DNAAF5: variants seen among roughly 807,000 people sequenced by gnomAD.
The protein encoded by DNAAF5 is HEAT repeat containing 2.
In DNAAF5, 64 loss-of-function variants were observed where a neutral mutation model predicts 75.8. The ratio of observed to expected loss-of-function variants is 0.84; its 90% CI spans 0.69 to 1.04. DNAAF5 has a LOEUF of 1.04. Ranked by LOEUF, DNAAF5 falls within the 50% of genes least tolerant of loss-of-function variation. DNAAF5 has a pLI of 0.00. For missense variants in DNAAF5, 1,269 were observed against 1,178.5 expected, an observed-to-expected ratio of 1.08 and a Z score of -1.12; for synonymous variants, 657 against 557.2, an observed-to-expected ratio of 1.18 and a Z score of -2.52.
At chr7:783,713 G>A (rs772517986) in intron 12 of DNAAF5, among the ~76,000 whole-genome samples, 10 of 152,082 alleles carry the variant, frequency 6.6e-5, no homozygotes, top group South Asian at 2.1e-4. Flanking sequence ...TCCACGCAAC[G>A]CCCCCAGCTC....
intron 8 of DNAAF5, among the ~76,000 whole-genome samples, chr7:767,094 C>A (rs918100366): frequency 8.5e-5 from 13 of 152,072 alleles, no homozygotes; most frequent in African/African-American, 2.9e-4. Flanking sequence ...AAAAAATTAG[C>A]TGGGTGCGGT....
At position 785,857 on chromosome 7, in the gene DNAAF5, G is replaced by A. The variant is rs9458; in HGVS notation, c.*204G>A. 86,312 of 568,214 alleles carry A rather than the reference G, an allele frequency of 0.15. 7,506 individuals are homozygous for A. Among genetic ancestry groups the A allele is most frequent in the East Asian group, 0.28 (8,979 of 31,904 alleles). The allele number at this position is 568,214 out of a possible 1,614,324, so 35.2% of individuals were successfully genotyped here. ...TGTTATGTGATTTGTTCTGTTCATCGAGAGGGCTCCCAAACATCTGCAGCT... is the reference window on the plus strand; with the variant it reads ...TGTTATGTGATTTGTTCTGTTCATCAAGAGGGCTCCCAAACATCTGCAGCT... On this transcript the variant is annotated 3_prime_UTR_variant, in exon 13 of 13. Transcript: ENST00000297440.
chr7:775,972 C>T (rs537970509), intron 11 of DNAAF5, among the ~76,000 whole-genome samples: 1 of 152,220 alleles, frequency 6.6e-6, no homozygotes, highest in African/African-American at 2.4e-5. Flanking sequence ...GAGGAGGATT[C>T]CTGGAACCAA....
chr7:734,673 A>G (rs746514464), intron 2 of DNAAF5, among the ~76,000 whole-genome samples: 4 of 152,226 alleles, frequency 2.6e-5, no homozygotes, highest in Non-Finnish European at 5.9e-5. Context: ...TAAACGTTTG[A>G]TAACATTTGG....
intron 10 of DNAAF5, 137 bp downstream of exon 10, chr7:774,335 T>C: frequency 2.1e-6 from 2 of 934,870 alleles, no homozygotes; most frequent in Non-Finnish European, 3.1e-6. Flanking sequence ...CCCAAGAGGC[T>C]CTCCCCACAC....
intron 2 of DNAAF5, 68 bp downstream of exon 2, chr7:729,915 A>C: frequency 1.4e-6 from 2 of 1,471,664 alleles, no homozygotes; most frequent in Non-Finnish European, 1.9e-6. Flanking sequence ...TGCTGTTTTT[A>C]ACTAACTCAC....
intron 8 of DNAAF5, chr7:768,924 G>A (rs905368547): frequency 3.6e-6 from 2 of 550,930 alleles, no homozygotes; most frequent in Non-Finnish European, 6.5e-6. Context: ...CTCGTGGCAG[G>A]GCGGCACTTG....
chr7:750,411 T>G (rs1157409026), intron 4 of DNAAF5, among the ~76,000 whole-genome samples: 2 of 152,330 alleles, frequency 1.3e-5, no homozygotes, highest in East Asian at 3.9e-4. Context: ...AGCGGTCCCC[T>G]GCCATTTTGG....
At chr7:760,069 GCCGCGCGGC>G in intron 6 of DNAAF5, among the ~76,000 whole-genome samples, 1 of 10,776 alleles carries the variant, frequency 9.3e-5, no homozygotes. Context: ...GGGAGACGGG[GCCGCGCGGC>G]TCCTCCAGCT....
chr7:745,540 G>A (rs986932256), intron 4 of DNAAF5, among the ~76,000 whole-genome samples: 8 of 151,732 alleles, frequency 5.3e-5, no homozygotes, highest in South Asian at 4.2e-4. Context: ...CATGCATATC[G>A]TCACACGCGT....
In DNAAF5 at chr7:726,879, G is replaced by T; in HGVS notation, c.159G>T (p.Leu53=). The T allele has an allele frequency of 7.5e-7, 1 of 1,327,340 alleles. No homozygotes were observed. The highest frequency in any genetic ancestry group is 9.6e-7 in the Non-Finnish European group (1 of 1,040,978). 82.2% of individuals were successfully genotyped at this position (1,327,340 alleles called of 1,614,324 possible). The change falls in exon 1 of 13, where the codon CTG becomes CTT. Residue 53 remains leucine, a synonymous_variant. Transcript: ENST00000297440. ...GCCGGCGGCGCGCCTTGGAGGCCCT[G>T]CGGCGCGCGCTGGAGGAGCCAGGCC... The part of the protein sequence containing the change: ...KPGRRRALEA[L]RRALEEPGPA...
In DNAAF5 at chr7:761,809, T is replaced by C; in HGVS notation, c.1527T>C (p.His509=). ...TGCAGGCTCTGGTGTCTGTGTGTCATGAGGACTGTGGCGTGGCCAGCCTGC... is the reference window on the plus strand; with the variant it reads ...TGCAGGCTCTGGTGTCTGTGTGTCACGAGGACTGTGGCGTGGCCAGCCTGC... The part of the protein sequence containing the change: ...LCVQALVSVC[H]EDCGVASLQL... Residue 509 remains histidine, a synonymous_variant, in exon 7 of 13, where the codon CAT becomes CAC. Transcript: ENST00000297440. 1 of 1,609,024 alleles carries C rather than the reference T, an allele frequency of 6.2e-7. No homozygotes were observed.
At chr7:728,392 A>G (rs568835468) in intron 1 of DNAAF5, among the ~76,000 whole-genome samples, 8 of 152,308 alleles carry the variant, frequency 5.3e-5, no homozygotes, top group Admixed American at 1.3e-4. Context: ...GGGGGTGTCA[A>G]TAGAAGTGAT....
intron 10 of DNAAF5, among the ~76,000 whole-genome samples, chr7:774,685 A>AGT (rs1778699229): frequency 6.6e-6 from 1 of 151,926 alleles, no homozygotes; most frequent in African/African-American, 2.4e-5. Context: ...CATCAGCGCC[A>AGT]CCTCCTGGTG....
Position 761,822 on chromosome 7 carries a change from G to T in DNAAF5, c.1540G>T (p.Val514Leu), listed in dbSNP as rs761575484. Residue 514 changes from valine to leucine, a missense_variant, in exon 7 of 13, where the codon GTG becomes TTG. Coordinates refer to ENST00000297440, the MANE Select transcript of DNAAF5 (RefSeq NM_017802.4). ...GTCTGTGTGTCATGAGGACTGTGGC[G>T]TGGCCAGCCTGCAGCTCTTGGACGT... Reference protein sequence around the residue: ...LVSVCHEDCGVASLQLLDVLL... With the variant: ...LVSVCHEDCGLASLQLLDVLL... 6.2e-7 allele frequency: 1 copy of T among 1,607,194 alleles called. No individual in the cohort carries two copies.
At chr7:745,394 G>C (rs1281155381) in intron 4 of DNAAF5, among the ~76,000 whole-genome samples, 1 of 151,982 alleles carries the variant, frequency 6.6e-6, no homozygotes, top group Non-Finnish European at 1.5e-5. Flanking sequence ...TTGGAATGCG[G>C]TAAGGGAGAA....
intron 2 of DNAAF5, among the ~76,000 whole-genome samples, chr7:734,762 T>C (rs552371965): frequency 6.6e-6 from 1 of 152,348 alleles, no homozygotes; most frequent in South Asian, 2.1e-4. Flanking sequence ...TTGTTACTGG[T>C]CTGTTCAAGG....
At chr7:739,653 C>A (rs1781844583) in intron 2 of DNAAF5, among the ~76,000 whole-genome samples, 1 of 152,228 alleles carries the variant, frequency 6.6e-6, no homozygotes, top group Non-Finnish European at 1.5e-5. Flanking sequence ...ACGGGCCTCT[C>A]CTTGTGTGAA....
At chr7:737,709 T>G (rs1781780220) in intron 2 of DNAAF5, among the ~76,000 whole-genome samples, 1 of 152,230 alleles carries the variant, frequency 6.6e-6, no homozygotes, top group Non-Finnish European at 1.5e-5. Flanking sequence ...AAGTTTACTT[T>G]CCTTCAGCAC....
Sources: gnomAD v4.1 joint callset for allele counts (sites outside exome capture counted in the v4.1 genomes callset) on GRCh38, gnomAD v4.1.1 for gene constraint, MANE v1.5 for transcripts, NCBI Gene and HGNC (gene_info 2026-07-23, HGNC 2026-07-21) for gene names.